Variants in PRIMPOL observed in about 807,000 individuals in gnomAD.
PRIMPOL encodes DNA-directed primase/polymerase protein.
In PRIMPOL, 54 loss-of-function variants were observed where a neutral mutation model predicts 63.6. The ratio of observed to expected loss-of-function variants is 0.85; its 90% CI spans 0.68 to 1.07. The LOEUF is 1.07. PRIMPOL is among the 50% of genes least tolerant of loss of function. The pLI, the probability that PRIMPOL is intolerant of heterozygous loss-of-function variation, is 0.00. For missense variants in PRIMPOL, 610 were observed against 648.3 expected (o/e 0.94, Z 0.64); for synonymous variants, 197 against 220.2 (o/e 0.89, Z 0.93).
chr4:184,650,405 A>ATT, intron 1 of PRIMPOL, among the ~76,000 whole-genome samples: 1 of 152,268 alleles, frequency 6.6e-6, no homozygotes, highest in Non-Finnish European at 1.5e-5. Flanking sequence ...CGAAGGCCCC[A>ATT]TCTTTTATAG....
chr4:184,693,067 T>G (rs1035091975), intron 13 of PRIMPOL, among the ~76,000 whole-genome samples: 2 of 152,162 alleles, frequency 1.3e-5, no homozygotes, highest in Non-Finnish European at 2.9e-5. Flanking sequence ...AGAAGTTACC[T>G]GCTACAAGCA....
At chr4:184,680,680 T>A (rs571893777) in intron 8 of PRIMPOL, among the ~76,000 whole-genome samples, 1 of 152,272 alleles carries the variant, frequency 6.6e-6, no homozygotes, top group East Asian at 1.9e-4. Flanking sequence ...GTCTCAGAAG[T>A]AAGGTCTGAG....
chr4:184,682,130 T>A, intron 8 of PRIMPOL, 118 bp from the exon 9 acceptor site: 1 of 547,056 alleles, frequency 1.8e-6, no homozygotes, highest in South Asian at 2.9e-5. Context: ...AGAACAATTA[T>A]CTGCTGAACA....
Position 184,683,715 on chromosome 4 carries a change from TAG to T in PRIMPOL, c.1096+1382_1096+1383del, listed in dbSNP as rs150933006. On this transcript the variant is annotated intron_variant, in intron 9 of 13. Transcript: ENST00000314970. ...TTACCCATTCCTCTACTGAAGAACA[TAG>T]AGTGTTTTTTTCAAAGATTTCTTAC... Among the ~76,000 whole-genome samples the T allele has an allele frequency of 4.4e-3, 669 of 151,730 alleles. 2 individuals carry two copies. The highest frequency in any genetic ancestry group is 7.5e-3 in the Non-Finnish European group (509 of 68,018).
At chr4:184,655,707 G>C (rs954135901) in intron 2 of PRIMPOL, among the ~76,000 whole-genome samples, 1 of 152,088 alleles carries the variant, frequency 6.6e-6, no homozygotes, top group African/African-American at 2.4e-5. Context: ...AAAGTTTTCT[G>C]CTAAAATTCA....
intron 6 of PRIMPOL, 68 bp from the exon 7 acceptor site, chr4:184,672,105 C>A: frequency 7.3e-7 from 1 of 1,364,226 alleles, no homozygotes; most frequent in Non-Finnish European, 1.0e-6. Flanking sequence ...TATGTGGATT[C>A]CTGGCTAGAC....
chr4:184,667,215 T>G (rs1047781517), intron 6 of PRIMPOL, among the ~76,000 whole-genome samples: 9 of 152,174 alleles, frequency 5.9e-5, no homozygotes, highest in African/African-American at 1.7e-4. Flanking sequence ...GTAGCTCAGC[T>G]GGACGTTCCT....
chr4:184,658,879 G>A (rs929553196), intron 3 of PRIMPOL, among the ~76,000 whole-genome samples: 4 of 149,920 alleles, frequency 2.7e-5, no homozygotes, highest in African/African-American at 9.9e-5. Context: ...CTGCACTCCG[G>A]CCTGGGCAAC....
At chr4:184,657,007 GT>G in intron 2 of PRIMPOL, 74 bp from the exon 3 acceptor site, 1 of 650,892 alleles carries the variant, frequency 1.5e-6, no homozygotes, top group East Asian at 3.2e-5. Flanking sequence ...CAGGAAGTGA[GT>G]TTTGAAACTT....
intron 12 of PRIMPOL, 29 bp from the exon 13 acceptor site, chr4:184,691,635 ATG>A: frequency 6.2e-7 from 1 of 1,605,000 alleles, no homozygotes; most frequent in Non-Finnish European, 8.5e-7. Flanking sequence ...TAACTGTAAT[ATG>A]TAATAGTTTT....
chr4:184,662,628 A>T (rs1215768016), intron 5 of PRIMPOL, among the ~76,000 whole-genome samples: 1 of 152,228 alleles, frequency 6.6e-6, no homozygotes. Context: ...ACTATTATTC[A>T]GCCTAAGTGT....
chr4:184,685,286 T>A, intron 9 of PRIMPOL, 123 bp from the exon 10 acceptor site: 1 of 681,214 alleles, frequency 1.5e-6, no homozygotes, highest in East Asian at 2.7e-5. Flanking sequence ...TGACTGAAAT[T>A]GCAAAGAGTG....
chr4:184,678,641 C>T (rs1754754256), intron 8 of PRIMPOL, among the ~76,000 whole-genome samples: 1 of 151,488 alleles, frequency 6.6e-6, no homozygotes, highest in Non-Finnish European at 1.5e-5. Context: ...CATTCTCCTG[C>T]CTCAGTCTCC....
chr4:184,650,073 C>T (rs1743731179), intron 1 of PRIMPOL, among the ~76,000 whole-genome samples, 165 bp downstream of exon 1: 1 of 152,224 alleles, frequency 6.6e-6, no homozygotes, highest in African/African-American at 2.4e-5. Context: ...GCTGTGGACG[C>T]TCTTTCGATC....
rs756886554 is a variant in PRIMPOL, at chr4:184,678,364, A to G, written c.977A>G (p.Tyr326Cys). 19 of 1,606,572 alleles carry G rather than the reference A, an allele frequency of 1.2e-5. No individual in the cohort carries two copies. The highest frequency in any genetic ancestry group is 3.4e-5 in the Admixed American group (2 of 58,382). Residue 326 changes from tyrosine to cysteine, a missense_variant, in exon 8 of 14, where the codon TAT (tyrosine) becomes TGT (cysteine). By Grantham distance (194) the Tyr-to-Cys change is radical. Around this residue, in one of 3 missense-constraint regions of PRIMPOL, gnomAD observed 444 missense variants for 456.4 expected, o/e 0.97. Coordinates refer to ENST00000314970, the MANE Select transcript of PRIMPOL (RefSeq NM_152683.4). ...AAAGATGTTTCTGACGAATATCAATATTTTCTCTCTTCTTTGGTCAGCAAT... is the reference window on the plus strand; with the variant it reads ...AAAGATGTTTCTGACGAATATCAATGTTTTCTCTCTTCTTTGGTCAGCAAT... ...QSKDVSDEYQ[Y>C]FLSSLVSNVR...
rs147583516 is a variant in PRIMPOL at position 184,674,124 on chromosome 4, C to T, written c.844+1664C>T. The stretch of plus-strand genomic sequence containing the variant: ...CAGCAGAACACAGTACCCCAGGTCA[C>T]AGCACACCTAACCTTGAAAGTCAGG... On this transcript the variant is annotated intron_variant, in intron 7 of 13. Transcript: ENST00000314970. 1.0e-3 allele frequency among the ~76,000 whole-genome samples: 152 copies of T among 152,284 alleles called. 1 individual carries two copies. Among genetic ancestry groups the T allele is most frequent in the African/African-American group, 3.5e-3 (145 of 41,546 alleles).
Position 184,694,356 on chromosome 4 carries a change from G to GCACT in PRIMPOL, c.1426-163_1426-160dup, listed in dbSNP as rs1041029508. 3.1e-5 allele frequency: 43 copies of GCACT among 1,403,870 alleles called. No individual in the cohort carries two copies. The Admixed American group carries it at 4.4e-4, about 14-fold the overall frequency. The allele number at this position is 1,403,870 out of a possible 1,614,324, so 87.0% of individuals were successfully genotyped here. ...TCAGTGCAGCAACGTTTGAATCAGT[G>GCACT]CACTCATTCCCACGGTGAGATATCG... On this transcript the variant is annotated intron_variant, in intron 13 of 13. Coordinates refer to ENST00000314970, the MANE Select transcript of PRIMPOL (RefSeq NM_152683.4).
At position 184,694,897 on chromosome 4, in the gene PRIMPOL, ATTTTTG is replaced by A. The variant is rs1760180072; in HGVS notation, c.*124_*129del. The A allele has an allele frequency of 3.1e-6, 3 of 955,028 alleles. No homozygotes were observed. In the East Asian group the frequency reaches 7.9e-5, roughly 25 times the overall value. The allele number at this position is 955,028 out of a possible 1,614,324, so 59.2% of individuals were successfully genotyped here. On this transcript the variant is annotated 3_prime_UTR_variant, in exon 14 of 14. Coordinates refer to ENST00000314970, the MANE Select transcript of PRIMPOL (RefSeq NM_152683.4). ...CTAAGTTTTATTACTTTGCTTTCCA[ATTTTTG>A]TTTTTTACTTCTGTAAACCAATTTC...
chr4:184,675,033 T>C (rs1752918341), intron 7 of PRIMPOL, among the ~76,000 whole-genome samples: 1 of 152,194 alleles, frequency 6.6e-6, no homozygotes, highest in Non-Finnish European at 1.5e-5. Context: ...GAAAAATATG[T>C]GAGAACTGCA....
Sources: allele counts gnomAD v4.1 joint callset (sites outside exome capture counted in the v4.1 genomes callset), GRCh38; gene constraint gnomAD v4.1.1; regional missense constraint gnomAD v4.1.1; transcripts MANE v1.5; gene names NCBI Gene and HGNC (gene_info 2026-07-23, HGNC 2026-07-21).